LRP1B: variants seen among roughly 807,000 people sequenced by gnomAD.
LRP1B encodes LDL receptor related protein 1B, also known as low-density lipoprotein receptor-related protein 1B.
LRP1B carries 217 observed loss-of-function variants against 556.6 expected under a neutral mutation model. The ratio of observed to expected loss-of-function variants is 0.39; its 90% confidence interval spans 0.35 to 0.44. The LOEUF is 0.44. LRP1B is among the 20% of genes least tolerant of loss of function. The pLI, the probability that LRP1B is intolerant of heterozygous loss-of-function variation, is 1.00. For synonymous variants in LRP1B, 2,047 were observed against 1,865.8 expected, an observed-to-expected ratio of 1.10 and a Z score of -2.50; for missense variants, 5,053 against 5,620.8, an observed-to-expected ratio of 0.90 and a Z score of 3.23.
chr2:141,553,543 A>G (rs1685832104), intron 2 of LRP1B, among the ~76,000 whole-genome samples: 1 of 151,262 alleles, frequency 6.6e-6, no homozygotes, highest in Admixed American at 6.7e-5. Flanking sequence ...GGAAACATTC[A>G]TGCTGCTATT....
intron 77 of LRP1B, among the ~76,000 whole-genome samples, chr2:140,350,430 C>T (rs16843825): frequency 0.14 from 21,454 of 151,874 alleles, 1,980 homozygotes; most frequent in East Asian, 0.32. Flanking sequence ...CCCTGCATTA[C>T]GCTACTTTCT....
chr2:140,480,009 A>G (rs185097782), intron 59 of LRP1B, among the ~76,000 whole-genome samples: 1 of 152,304 alleles, frequency 6.6e-6, no homozygotes. Context: ...GTGTACATCT[A>G]GTTACTCATT....
At chr2:142,034,122 C>G (rs1370906463) in intron 1 of LRP1B, among the ~76,000 whole-genome samples, 3 of 151,708 alleles carry the variant, frequency 2.0e-5, no homozygotes, top group Non-Finnish European at 2.9e-5. Context: ...AATCTGCCCT[C>G]TCCACTCTAC....
At chr2:141,512,083 A>G (rs1191800411) in intron 2 of LRP1B, among the ~76,000 whole-genome samples, 2 of 152,226 alleles carry the variant, frequency 1.3e-5, no homozygotes, top group Admixed American at 6.5e-5. Flanking sequence ...ACTACAGAAG[A>G]GTACATTAAT....
At chr2:140,576,290 A>T (rs894086640) in intron 43 of LRP1B, among the ~76,000 whole-genome samples, 2 of 152,212 alleles carry the variant, frequency 1.3e-5, no homozygotes, top group Non-Finnish European at 2.9e-5. Context: ...CAGACTCTCA[A>T]ATGTGTTGAC....
At position 141,062,031 on chromosome 2, in the gene LRP1B, T is replaced by C. The variant is rs1157259912; in HGVS notation, c.1236+20A>G. 2 of 1,595,352 alleles carry C rather than the reference T, an allele frequency of 1.3e-6. No homozygotes were observed. The highest frequency in any genetic ancestry group is 1.1e-5 in the South Asian group (1 of 90,686). Reference sequence around the variant, plus strand: ...TCTTTTTATTACCCTAGGAGCGTTGTCTAACAAAATTGTACTTACTTGTCT... The same window carrying C: ...TCTTTTTATTACCCTAGGAGCGTTGCCTAACAAAATTGTACTTACTTGTCT... On this transcript the variant is annotated intron_variant, in intron 8 of 90. Transcript: ENST00000389484.
At chr2:141,323,047 G>T (rs938628404) in intron 3 of LRP1B, among the ~76,000 whole-genome samples, 5 of 152,066 alleles carry the variant, frequency 3.3e-5, no homozygotes, top group Admixed American at 2.6e-4. Flanking sequence ...CATATAAAAT[G>T]CTTAGGAAAA....
intron 43 of LRP1B, among the ~76,000 whole-genome samples, chr2:140,590,491 A>ATT (rs1682176965): frequency 6.6e-6 from 1 of 151,876 alleles, no homozygotes; most frequent in South Asian, 2.1e-4. Context: ...TAAGGAGATA[A>ATT]TTAAGATTAA....
intron 7 of LRP1B, among the ~76,000 whole-genome samples, chr2:141,142,861 C>T (rs148261443): frequency 6.6e-6 from 1 of 151,588 alleles, no homozygotes; most frequent in African/African-American, 2.4e-5. Context: ...AATGTTGCAC[C>T]TCGAGGCTCC....
At chr2:141,687,069 A>G (rs1691338457) in intron 2 of LRP1B, among the ~76,000 whole-genome samples, 1 of 152,034 alleles carries the variant, frequency 6.6e-6, no homozygotes, top group Non-Finnish European at 1.5e-5. Flanking sequence ...AAAGACTAAG[A>G]AAGATAAGAA....
At chr2:140,796,832 T>C (rs1323670251) in intron 32 of LRP1B, among the ~76,000 whole-genome samples, 1 of 152,230 alleles carries the variant, frequency 6.6e-6, no homozygotes, top group Admixed American at 6.5e-5. Context: ...GCAATACAAG[T>C]GTAACAATTA....
At chr2:141,887,187 G>A (rs1215032268) in intron 1 of LRP1B, among the ~76,000 whole-genome samples, 1 of 151,926 alleles carries the variant, frequency 6.6e-6, no homozygotes, top group African/African-American at 2.4e-5. Flanking sequence ...GTAGAAAGGG[G>A]GTTTCACAAT....
At chr2:140,675,344 A>C (rs1192915629) in intron 41 of LRP1B, among the ~76,000 whole-genome samples, 1 of 152,174 alleles carries the variant, frequency 6.6e-6, no homozygotes, top group Non-Finnish European at 1.5e-5. Flanking sequence ...CTAATAAATA[A>C]AGTTGCACCC....
intron 20 of LRP1B, among the ~76,000 whole-genome samples, chr2:140,941,308 G>A (rs1022380642): frequency 1.3e-5 from 2 of 152,162 alleles, no homozygotes; most frequent in African/African-American, 4.8e-5. Context: ...CTTCCATGGA[G>A]AGGAAACAAA....
intron 20 of LRP1B, among the ~76,000 whole-genome samples, chr2:140,936,358 AAAAAGAAAG>A (rs1559204750): frequency 3.2e-5 from 4 of 123,166 alleles, no homozygotes; most frequent in Admixed American, 9.0e-5. Context: ...AAAAAAAAAA[AAAAAGAAAG>A]GAAAAAAGAA....
intron 85 of LRP1B, among the ~76,000 whole-genome samples, chr2:140,273,386 A>C (rs1682546726): frequency 6.6e-6 from 1 of 151,308 alleles, no homozygotes; most frequent in Non-Finnish European, 1.5e-5. Context: ...GTTATATATC[A>C]GTCATATTTT....
chr2:140,433,392 C>T (rs1686037786), intron 66 of LRP1B, among the ~76,000 whole-genome samples: 1 of 152,086 alleles, frequency 6.6e-6, no homozygotes, highest in Non-Finnish European at 1.5e-5. Context: ...GCCACTGTGC[C>T]TGACAGATGT....
chr2:141,987,002 A>G (rs1180570903), intron 1 of LRP1B, among the ~76,000 whole-genome samples: 1 of 151,998 alleles, frequency 6.6e-6, no homozygotes, highest in African/African-American at 2.4e-5. Context: ...TTCTTTACCT[A>G]TAAAAATGCG....
intron 31 of LRP1B, among the ~76,000 whole-genome samples, chr2:140,823,441 T>C (rs968724910): frequency 1.3e-5 from 2 of 152,134 alleles, no homozygotes; most frequent in Non-Finnish European, 2.9e-5. Flanking sequence ...ATGCAGTGAT[T>C]AATGCCCTAT....
Sources: allele counts gnomAD v4.1 joint callset (sites outside exome capture counted in the v4.1 genomes callset), GRCh38; gene constraint gnomAD v4.1.1; transcripts MANE v1.5; gene names NCBI Gene and HGNC (gene_info 2026-07-23, HGNC 2026-07-21).